The following OSBPL3 variants were observed in gnomAD, a reference collection of about 807,000 sequenced individuals.
The protein encoded by OSBPL3 is oxysterol-binding protein-related protein 3.
Under a neutral mutation model 120.1 loss-of-function variants are expected in OSBPL3, and 65 were observed. The ratio of observed to expected loss-of-function variants is 0.54; its 90% CI spans 0.44 to 0.67. OSBPL3 has a LOEUF of 0.67. Ranked by LOEUF, OSBPL3 falls within the 30% of genes least tolerant of loss-of-function variation. The probability of loss-of-function intolerance (pLI) is 0.00; values close to 1 mark genes in which losing one functional copy is unlikely to be tolerated. For synonymous variants in OSBPL3, 416 were observed against 402.6 expected (o/e 1.03, Z -0.40); for missense variants, 1,004 against 1,082.1 (o/e 0.93, Z 1.01).
rs1033496032 is a variant in OSBPL3 at position 24,873,024 on chromosome 7, A to T, written c.97-955T>A. Among the ~76,000 whole-genome samples the T allele has an allele frequency of 6.6e-6, 1 of 152,172 alleles. No individual in the cohort carries two copies. Among genetic ancestry groups the T allele is most frequent in the African/African-American group, 2.4e-5 (1 of 41,440 alleles). ...GAGTATGCCTTGATAAAAATGATAA[A>T]TTTTTACATTTATACATATACTCAG... On this transcript the variant is annotated intron_variant, in intron 2 of 22. Coordinates refer to ENST00000313367, the MANE Select transcript of OSBPL3 (RefSeq NM_015550.4). The surrounding 1 kb of genome is among the most constrained non-coding windows in gnomAD (Gnocchi z 4.1).
Position 24,938,392 on chromosome 7 carries a change from C to T in OSBPL3, c.-150+41494G>A, listed in dbSNP as rs986895852. 3.3e-5 allele frequency among the ~76,000 whole-genome samples: 5 copies of T among 152,152 alleles called. No individual in the cohort carries two copies. The highest frequency in any genetic ancestry group is 7.3e-5 in the Non-Finnish European group (5 of 68,030). Reference sequence around the variant, plus strand: ...ACCCATTTCTATTGTTTATAAATTACCCGGTTTATGATATTTGTTATAGCA... The same window carrying T: ...ACCCATTTCTATTGTTTATAAATTATCCGGTTTATGATATTTGTTATAGCA... On this transcript the variant is annotated intron_variant, in intron 1 of 22. Transcript: ENST00000313367. The surrounding 1 kb of genome is among the most constrained non-coding windows in gnomAD (Gnocchi z 5.8).
Position 24,817,902 on chromosome 7 carries a change from C to A in OSBPL3, c.1949-1214G>T, listed in dbSNP as rs1794664768. ...AACTTGCAATGAATGGTGGTACCAA[C>A]AGAGAAGCCAGGAAATAGAAAAAGA... On this transcript the variant is annotated intron_variant, in intron 17 of 22. Coordinates refer to ENST00000313367, the MANE Select transcript of OSBPL3 (RefSeq NM_015550.4). This position sits in a 1 kb window ranked among gnomAD's most constrained non-coding sequence, Gnocchi z 4.0. Among the ~76,000 whole-genome samples, 1 of 152,172 alleles carries A rather than the reference C, an allele frequency of 6.6e-6. No homozygotes were observed. The highest frequency in any genetic ancestry group is 6.5e-5 in the Admixed American group (1 of 15,276).
At position 24,806,953 on chromosome 7, in the gene OSBPL3, C is replaced by T; in HGVS notation, c.2318-51G>A. 6.7e-7 allele frequency: 1 copy of T among 1,493,938 alleles called. No homozygotes were observed. Among genetic ancestry groups the T allele is most frequent in the Non-Finnish European group, 9.0e-7 (1 of 1,106,518 alleles). The allele number at this position is 1,493,938 out of a possible 1,614,324, so 92.5% of individuals were successfully genotyped here. A position where few individuals can be genotyped will look rare whatever the true frequency, so the allele number is the denominator to read the frequency against. On this transcript the variant is annotated intron_variant, in intron 20 of 22. Coordinates refer to ENST00000313367, the MANE Select transcript of OSBPL3 (RefSeq NM_015550.4). The surrounding 1 kb of genome is among the most constrained non-coding windows in gnomAD (Gnocchi z 5.2). ...CCTAACTTGCATGTTACTTATGTTA[C>T]ATTTTAATTCCTTCACCTTTTTCGT...
intron 10 of OSBPL3, among the ~76,000 whole-genome samples, chr7:24,860,449 T>C (rs1408866083): frequency 1.3e-5 from 2 of 152,302 alleles, no homozygotes; most frequent in East Asian, 3.9e-4. Context: ...TGGTAGTAAA[T>C]AAGTCTCATG....
At position 24,852,605 on chromosome 7, in the gene OSBPL3, T is replaced by C. The variant is rs778190723; in HGVS notation, c.1057A>G (p.Ile353Val). 2.6e-5 allele frequency: 41 copies of C among 1,603,356 alleles called. No homozygotes were observed. Among genetic ancestry groups the C allele is most frequent in the South Asian group, 5.6e-5 (5 of 89,074 alleles). The change falls in exon 11 of 23, where the codon ATC (isoleucine) becomes GTC (valine). Residue 353 changes from isoleucine to valine, a missense_variant. Ile to Val is a conservative substitution (Grantham distance 29). This residue lies in a region of OSBPL3 where 272 missense variants were observed against 248.8 expected (regional missense o/e 1.09). Coordinates refer to ENST00000313367, the MANE Select transcript of OSBPL3 (RefSeq NM_015550.4). This position sits in a 1 kb window ranked among gnomAD's most constrained non-coding sequence, Gnocchi z 4.1. ...VYFTLRSAFN[I>V]MSAEREKLKQ... ...AGTTTCTCTCTCTCCGCTGACATGA[T>C]ATTAAAAGCTGACCTTAAAGTGAAG...
chr7:24,908,975 G>A (rs1460734080), intron 1 of OSBPL3, among the ~76,000 whole-genome samples: 3 of 152,192 alleles, frequency 2.0e-5, no homozygotes, highest in Non-Finnish European at 2.9e-5. Context: ...GTTACTTTGC[G>A]TGTCCTTTTC....
chr7:24,844,905 T>C (rs1798218918), intron 12 of OSBPL3, among the ~76,000 whole-genome samples: 1 of 152,158 alleles, frequency 6.6e-6, no homozygotes, highest in Non-Finnish European at 1.5e-5. Context: ...CTAACCATTA[T>C]ATTGTTAATA....
chr7:24,834,346 C>A lies in OSBPL3; in HGVS notation c.1746+140G>T, dbSNP rs921802983. The stretch of plus-strand genomic sequence containing the variant: ...CAGCCAGGCGGAGGAAGCCAGACAG[C>A]TCTGAGTAATGAACCTGTTTACGGA... On this transcript the variant is annotated intron_variant, in intron 15 of 22. Transcript: ENST00000313367. The surrounding 1 kb of genome is among the most constrained non-coding windows in gnomAD (Gnocchi z 5.2). 2 of 1,500,612 alleles carry A rather than the reference C, an allele frequency of 1.3e-6. No homozygotes were observed. Among genetic ancestry groups the A allele is most frequent in the African/African-American group, 1.4e-5 (1 of 71,340 alleles). The allele number at this position is 1,500,612 out of a possible 1,614,324, so 93.0% of individuals were successfully genotyped here.
chr7:24,954,566 A>C (rs1814814889), intron 1 of OSBPL3, among the ~76,000 whole-genome samples: 1 of 152,002 alleles, frequency 6.6e-6, no homozygotes, highest in Non-Finnish European at 1.5e-5. Context: ...GTCAATTCTC[A>C]CACAAATCAG....
At chr7:24,942,621 T>C (rs1813234501) in intron 1 of OSBPL3, among the ~76,000 whole-genome samples, 2 of 152,232 alleles carry the variant, frequency 1.3e-5, no homozygotes, top group Non-Finnish European at 2.9e-5. Flanking sequence ...GCCATTTTTC[T>C]TCCTGTTAGG....
At position 24,861,766 on chromosome 7, in the gene OSBPL3, G is replaced by A; in HGVS notation, c.874C>T (p.Pro292Ser). The A allele has an allele frequency of 6.3e-7, 1 of 1,582,354 alleles. No homozygotes were observed. Among genetic ancestry groups the A allele is most frequent in the South Asian group, 1.2e-5 (1 of 85,488 alleles). Residue 292 changes from proline to serine, a missense_variant, in exon 10 of 23, where the codon CCG becomes TCG. Around this residue, in one of 4 missense-constraint regions of OSBPL3, gnomAD observed 272 missense variants for 248.8 expected, o/e 1.09. Transcript: ENST00000313367. ...CTTACTGGGCCAGAAAAAGGTTTCG[G>A]GACCTGAAGTAACACCAAAGGGAGA... is the stretch of plus-strand genomic sequence containing the variant. ...GKDAKGTLQVPKPFSGPVRLH... is the reference protein window; with the variant it reads ...GKDAKGTLQVSKPFSGPVRLH...
chr7:24,835,831 T>C lies in OSBPL3; in HGVS notation c.1496-1095A>G, dbSNP rs1436276674. Among the ~76,000 whole-genome samples the C allele has an allele frequency of 6.6e-6, 1 of 152,120 alleles. No homozygotes were observed. Among genetic ancestry groups the C allele is most frequent in the Non-Finnish European group, 1.5e-5 (1 of 68,022 alleles). On this transcript the variant is annotated intron_variant, in intron 14 of 22. Transcript: ENST00000313367. This position sits in a 1 kb window ranked among gnomAD's most constrained non-coding sequence, Gnocchi z 4.8. Reference sequence around the variant, plus strand: ...ACAGGAAGAGAAAACCAAATGCATGTTCTCACTTGTAAAGGGGTACTAAAC... The same window carrying C: ...ACAGGAAGAGAAAACCAAATGCATGCTCTCACTTGTAAAGGGGTACTAAAC...
chr7:24,951,082 A>AG (rs1246239451), intron 1 of OSBPL3, among the ~76,000 whole-genome samples: 1 of 152,204 alleles, frequency 6.6e-6, no homozygotes, highest in African/African-American at 2.4e-5. Context: ...CCCCACCACC[A>AG]GCCCCAACAA....
chr7:24,904,802 A>G (rs981746867), intron 1 of OSBPL3, among the ~76,000 whole-genome samples: 1 of 152,118 alleles, frequency 6.6e-6, no homozygotes, highest in Non-Finnish European at 1.5e-5. Context: ...AAAATAATCA[A>G]ATTCATAGAA....
At chr7:24,845,975 A>G (rs1186144357) in intron 12 of OSBPL3, among the ~76,000 whole-genome samples, 1 of 152,196 alleles carries the variant, frequency 6.6e-6, no homozygotes, top group Admixed American at 6.5e-5. Flanking sequence ...GCATAGTAAG[A>G]CTGTCTCCAA....
upstream of OSBPL3, chr7:24,980,213 G>C (rs996800691): frequency 9.0e-5 from 22 of 244,248 alleles, no homozygotes; most frequent in Admixed American, 5.2e-4. Flanking sequence ...CCGAGGAGCC[G>C]CGCAAGGGCG....
intron 1 of OSBPL3, among the ~76,000 whole-genome samples, chr7:24,977,159 A>G (rs574355099): frequency 6.6e-6 from 1 of 152,352 alleles, no homozygotes; most frequent in Non-Finnish European, 1.5e-5. Flanking sequence ...CATTTACCAC[A>G]ATGGGTAAAA....
intron 1 of OSBPL3, among the ~76,000 whole-genome samples, chr7:24,902,701 A>AAATAAT (rs70942894): frequency 0.12 from 17,896 of 143,914 alleles, 1,659 homozygotes; most frequent in African/African-American, 0.25. Context: ...AAGAGAAAAT[A>AAATAAT]AATAATAATA....
At position 24,912,879 on chromosome 7, in the gene OSBPL3, G is replaced by A. The variant is rs1809021016; in HGVS notation, c.-149-20258C>T. 6.6e-6 allele frequency among the ~76,000 whole-genome samples: 1 copy of A among 152,210 alleles called. No homozygotes were observed. Among genetic ancestry groups the A allele is most frequent in the African/African-American group, 2.4e-5 (1 of 41,442 alleles). ...ATGATGCTTCGTGACTTCTGAGGCT[G>A]CATTAGAAATGGCAATGTAACTTCC... On this transcript the variant is annotated intron_variant, in intron 1 of 22. Coordinates refer to ENST00000313367, the MANE Select transcript of OSBPL3 (RefSeq NM_015550.4). The surrounding 1 kb of genome is among the most constrained non-coding windows in gnomAD (Gnocchi z 4.5).
Sources: gnomAD v4.1 joint callset for allele counts (sites outside exome capture counted in the v4.1 genomes callset) on GRCh38, gnomAD v4.1.1 for gene constraint, gnomAD v4.1.1 regional missense constraint, Gnocchi (gnomAD v3.1) non-coding constraint, MANE v1.5 for transcripts, NCBI Gene and HGNC (gene_info 2026-07-23, HGNC 2026-07-21) for gene names.